MYO3B: variants seen among roughly 807,000 people sequenced by gnomAD.
The protein encoded by MYO3B is myosin IIIB, also known as myosin-IIIb.
MYO3B carries 156 observed loss-of-function variants against 174.6 expected under a neutral mutation model. The observed-to-expected ratio is 0.89, with a 90% CI of 0.78 to 1.02. The LOEUF (loss-of-function observed/expected upper bound fraction) is 1.02. MYO3B is among the 50% of genes least tolerant of loss of function. The pLI, the probability that MYO3B is intolerant of heterozygous loss-of-function variation, is 0.00. For synonymous variants in MYO3B, 563 were observed against 569.1 expected (o/e 0.99, Z 0.15); for missense variants, 1,632 against 1,639.4 (o/e 1.00, Z 0.08).
chr2:170,519,892 G>A, intron 30 of MYO3B: 1 of 185,660 alleles, frequency 5.4e-6, no homozygotes. Flanking sequence ...AGAATCACTT[G>A]AACCATGGAG....
chr2:170,446,779 G>A (rs13410912), intron 23 of MYO3B, among the ~76,000 whole-genome samples: 147,447 of 152,290 alleles, frequency 0.97, 71,551 homozygotes, highest in East Asian at 1. Context: ...ATAACAAAAA[G>A]CAGATTAACA....
chr2:170,497,398 C>T (rs372644082), intron 25 of MYO3B, among the ~76,000 whole-genome samples: 12 of 152,216 alleles, frequency 7.9e-5, no homozygotes, highest in African/African-American at 2.4e-4. Context: ...GGGTGGATCA[C>T]GAGGTCAGGA....
intron 6 of MYO3B, among the ~76,000 whole-genome samples, chr2:170,227,919 T>C (rs1361058080): frequency 6.6e-6 from 1 of 152,138 alleles, no homozygotes; most frequent in Non-Finnish European, 1.5e-5. Flanking sequence ...TTTCCTGACT[T>C]GGTGTAATAA....
At chr2:170,519,579 A>G in intron 30 of MYO3B, 39 bp downstream of exon 30, 2 of 1,468,312 alleles carry the variant, frequency 1.4e-6, no homozygotes, top group South Asian at 2.3e-5. Flanking sequence ...TTGTAAACTC[A>G]GGTGCTCCAT....
chr2:170,196,470 C>T (rs2092601536), intron 1 of MYO3B, among the ~76,000 whole-genome samples: 1 of 152,128 alleles, frequency 6.6e-6, no homozygotes, highest in Non-Finnish European at 1.5e-5. Flanking sequence ...GGGTGGTGAT[C>T]ACACCACTGC....
chr2:170,567,050 G>A (rs1692116375), intron 32 of MYO3B, among the ~76,000 whole-genome samples: 1 of 152,142 alleles, frequency 6.6e-6, no homozygotes. Flanking sequence ...TGAAAAAGAG[G>A]TGGTAGAATC....
intron 5 of MYO3B, among the ~76,000 whole-genome samples, chr2:170,216,877 A>T (rs2105371182): frequency 8.4e-6 from 1 of 118,948 alleles, no homozygotes. Context: ...ATAGACAGGG[A>T]TGTCCATTAG....
chr2:170,183,619 TC>T (rs2092429995), intron 1 of MYO3B, among the ~76,000 whole-genome samples: 1 of 152,220 alleles, frequency 6.6e-6, no homozygotes, highest in Non-Finnish European at 1.5e-5. Context: ...CAGGAATAAA[TC>T]ATTCCACTAT....
intron 7 of MYO3B, among the ~76,000 whole-genome samples, chr2:170,332,802 T>G (rs966115816): frequency 6.6e-6 from 1 of 152,148 alleles, no homozygotes; most frequent in African/African-American, 2.4e-5. Flanking sequence ...ACAATACCCC[T>G]TTGCATATTT....
chr2:170,321,661 C>T (rs1361615909), intron 7 of MYO3B, among the ~76,000 whole-genome samples: 2 of 152,170 alleles, frequency 1.3e-5, no homozygotes, highest in Admixed American at 1.3e-4. Flanking sequence ...ACAGTTTCTT[C>T]TCAGGCATGT....
intron 22 of MYO3B, among the ~76,000 whole-genome samples, chr2:170,435,206 C>A (rs2094743853): frequency 6.6e-6 from 1 of 152,126 alleles, no homozygotes; most frequent in Admixed American, 6.6e-5. Flanking sequence ...GAAGGGAAGT[C>A]AAGGTCAGAG....
chr2:170,517,674 CCTT>C (rs1559076906), intron 29 of MYO3B, among the ~76,000 whole-genome samples: 2 of 152,122 alleles, frequency 1.3e-5, no homozygotes, highest in African/African-American at 4.8e-5. Flanking sequence ...GGTGATTTTT[CCTT>C]CTTAACAGGG....
At chr2:170,259,402 A>G (rs1236270812) in intron 7 of MYO3B, among the ~76,000 whole-genome samples, 1 of 152,174 alleles carries the variant, frequency 6.6e-6, no homozygotes, top group Admixed American at 6.5e-5. Flanking sequence ...ACCCAGAAAT[A>G]AAGCCACTAT....
intron 7 of MYO3B, among the ~76,000 whole-genome samples, chr2:170,270,121 A>G (rs1200655026): frequency 6.6e-6 from 1 of 152,204 alleles, no homozygotes; most frequent in Non-Finnish European, 1.5e-5. Context: ...CCAAGGATAT[A>G]CATCAAATGG....
intron 8 of MYO3B, among the ~76,000 whole-genome samples, chr2:170,336,237 T>C (rs2093946585): frequency 1.3e-5 from 2 of 150,948 alleles, no homozygotes; most frequent in South Asian, 4.2e-4. Context: ...GCAGAGGAGC[T>C]TGGAAGAAGT....
chr2:170,514,574 A>G (rs1361019561), intron 28 of MYO3B, among the ~76,000 whole-genome samples: 3 of 152,152 alleles, frequency 2.0e-5, no homozygotes, highest in African/African-American at 7.2e-5. Flanking sequence ...CAAACCAAGA[A>G]TCCTAGCCTG....
chr2:170,579,725 C>T (rs974916034), intron 32 of MYO3B, among the ~76,000 whole-genome samples: 5 of 152,208 alleles, frequency 3.3e-5, no homozygotes, highest in African/African-American at 9.6e-5. Flanking sequence ...GGAGGCAGTG[C>T]CAGGTCTTCA....
intron 7 of MYO3B, among the ~76,000 whole-genome samples, chr2:170,240,886 G>C (rs1157729): frequency 0.56 from 85,389 of 151,966 alleles, 24,208 homozygotes; most frequent in East Asian, 0.72. Flanking sequence ...CCCCTTAAAG[G>C]AACTGCTTTT....
At chr2:170,482,726 CATTTACAGATCTGT>C (rs1449253546) in intron 25 of MYO3B, among the ~76,000 whole-genome samples, 1 of 152,242 alleles carries the variant, frequency 6.6e-6, no homozygotes, top group African/African-American at 2.4e-5. Flanking sequence ...CCAACTTTCT[CATTTACAGATCTGT>C]ATTTACAGAT....
Sources: allele counts gnomAD v4.1 joint callset (sites outside exome capture counted in the v4.1 genomes callset), GRCh38; gene constraint gnomAD v4.1.1; transcripts MANE v1.5; gene names NCBI Gene and HGNC (gene_info 2026-07-23, HGNC 2026-07-21).